STXBP6: variants seen among roughly 807,000 people sequenced by gnomAD.
STXBP6 encodes the protein syntaxin binding protein 6, also known as syntaxin-binding protein 6.
STXBP6 carries 21 observed loss-of-function variants against 26.9 expected under a neutral mutation model. The ratio of observed to expected loss-of-function variants is 0.78; its 90% CI spans 0.55 to 1.12. STXBP6 has a LOEUF of 1.12. Among genes scored for constraint, STXBP6 ranks in the 50% most tolerant of loss-of-function variants. The pLI is 0.00. For synonymous variants in STXBP6, 97 were observed against 92.6 expected, an observed-to-expected ratio of 1.05 and a Z score of -0.27; for missense variants, 232 against 257.9, an observed-to-expected ratio of 0.90 and a Z score of 0.69.
intron 1 of STXBP6, among the ~76,000 whole-genome samples, chr14:24,999,430 C>T (rs1040102059): frequency 4.6e-5 from 7 of 151,932 alleles, no homozygotes; most frequent in African/African-American, 1.5e-4. Flanking sequence ...TTCATTCAAA[C>T]CAACAACATG....
intron 4 of STXBP6, among the ~76,000 whole-genome samples, chr14:24,823,706 A>C (rs923626787): frequency 1.3e-5 from 2 of 152,210 alleles, no homozygotes; most frequent in African/African-American, 4.8e-5. Context: ...TGCTTGGACT[A>C]CTTCTATTCC....
At chr14:24,854,954 ACCTT>A (rs1349977819) in intron 4 of STXBP6, among the ~76,000 whole-genome samples, 1 of 152,058 alleles carries the variant, frequency 6.6e-6, no homozygotes, top group Non-Finnish European at 1.5e-5. Flanking sequence ...CCTAAGAAAG[ACCTT>A]CCAAGGTTCT....
chr14:24,964,647 C>CTGTGTGTGTGTGTGTGTGTGTG (rs34132743), intron 2 of STXBP6, among the ~76,000 whole-genome samples: 225 of 140,194 alleles, frequency 1.6e-3, no homozygotes, highest in African/African-American at 3.3e-3. Flanking sequence ...AGTTCTCATT[C>CTGTGTGTGTGTGTGTGTGTGTG]TGTGTGTGTG....
At chr14:24,980,648 TG>T (rs2074165529) in intron 1 of STXBP6, among the ~76,000 whole-genome samples, 2 of 152,222 alleles carry the variant, frequency 1.3e-5, no homozygotes, top group Non-Finnish European at 2.9e-5. Context: ...GGGCTTGCCA[TG>T]GTGAGAAACC....
chr14:25,002,365 T>TTTTTTTTTTTC, intron 1 of STXBP6, among the ~76,000 whole-genome samples: 1 of 146,322 alleles, frequency 6.8e-6, no homozygotes, highest in East Asian at 2.0e-4. Flanking sequence ...ATGACTTTTT[T>TTTTTTTTTTTC]TTTTTTTTTT....
chr14:24,834,302 T>C (rs1170182244), intron 4 of STXBP6, among the ~76,000 whole-genome samples: 1 of 152,232 alleles, frequency 6.6e-6, no homozygotes. Flanking sequence ...CCTAAGAGAA[T>C]AAACTTTTAG....
intron 2 of STXBP6, among the ~76,000 whole-genome samples, chr14:24,924,337 T>TA (rs961904773): frequency 6.6e-6 from 1 of 151,994 alleles, no homozygotes; most frequent in African/African-American, 2.4e-5. Context: ...TATTCTAGGA[T>TA]AAAAAAAGAC....
chr14:24,961,915 A>C (rs1440990570), intron 2 of STXBP6, among the ~76,000 whole-genome samples: 1 of 152,244 alleles, frequency 6.6e-6, no homozygotes, highest in Non-Finnish European at 1.5e-5. Context: ...CAACCTAGAA[A>C]AAAAACATAA....
chr14:24,950,759 G>A (rs2073139476), intron 2 of STXBP6, among the ~76,000 whole-genome samples: 1 of 152,086 alleles, frequency 6.6e-6, no homozygotes, highest in Non-Finnish European at 1.5e-5. Context: ...TTTTAAAGTT[G>A]TATTTTAAGT....
intron 2 of STXBP6, among the ~76,000 whole-genome samples, chr14:24,961,434 G>T (rs2073532643): frequency 6.9e-6 from 1 of 145,260 alleles, no homozygotes; most frequent in Admixed American, 6.9e-5. Flanking sequence ...AATAGGAACA[G>T]ATTTCAGAAC....
intron 2 of STXBP6, among the ~76,000 whole-genome samples, chr14:24,872,102 A>AGTT (rs1431746868): frequency 6.6e-6 from 1 of 152,236 alleles, no homozygotes; most frequent in African/African-American, 2.4e-5. Context: ...CAGAGAAACT[A>AGTT]AACTATGCCA....
intron 2 of STXBP6, among the ~76,000 whole-genome samples, chr14:24,882,642 A>T (rs1197851882): frequency 6.6e-6 from 1 of 151,998 alleles, no homozygotes; most frequent in Non-Finnish European, 1.5e-5. Flanking sequence ...TATTTATTTG[A>T]TCATTCTCTT....
At chr14:24,850,026 C>G (rs890176972) in intron 4 of STXBP6, among the ~76,000 whole-genome samples, 3 of 152,048 alleles carry the variant, frequency 2.0e-5, no homozygotes, top group African/African-American at 7.2e-5. Context: ...GGAAAAATAA[C>G]ATAAAAATCA....
chr14:24,960,516 ATTGAAATTTTAAT>A (rs2073496717), intron 2 of STXBP6, among the ~76,000 whole-genome samples: 1 of 152,206 alleles, frequency 6.6e-6, no homozygotes, highest in African/African-American at 2.4e-5. Context: ...TAAATTTTAA[ATTGAAATTTTAAT>A]ATTTTATTCT....
At chr14:24,969,393 A>G (rs979957950) in intron 2 of STXBP6, among the ~76,000 whole-genome samples, 1 of 152,350 alleles carries the variant, frequency 6.6e-6, no homozygotes, top group Middle Eastern at 3.4e-3. Flanking sequence ...TTTAAACATG[A>G]AATTACAGAA....
At chr14:24,913,469 G>T (rs1220168873) in intron 2 of STXBP6, among the ~76,000 whole-genome samples, 1 of 151,974 alleles carries the variant, frequency 6.6e-6, no homozygotes, top group South Asian at 2.1e-4. Flanking sequence ...TACATTATTT[G>T]TCAACCACAA....
At chr14:24,971,276 T>C (rs2073898766) in intron 2 of STXBP6, among the ~76,000 whole-genome samples, 1 of 152,234 alleles carries the variant, frequency 6.6e-6, no homozygotes, top group South Asian at 2.1e-4. Context: ...TGGATATATA[T>C]GAAACACCCA....
chr14:24,885,672 C>T (rs951565209), intron 2 of STXBP6, among the ~76,000 whole-genome samples: 2 of 152,232 alleles, frequency 1.3e-5, no homozygotes, highest in Non-Finnish European at 2.9e-5. Context: ...ATCAGCTCAA[C>T]GTTTGCCTTC....
At chr14:25,046,287 G>GA (rs1293623657) in intron 1 of STXBP6, among the ~76,000 whole-genome samples, 1 of 152,174 alleles carries the variant, frequency 6.6e-6, no homozygotes, top group Admixed American at 6.5e-5. Context: ...TACTAAGTGG[G>GA]AAAAACCATT....
Sources: allele counts gnomAD v4.1 joint callset (sites outside exome capture counted in the v4.1 genomes callset), GRCh38; gene constraint gnomAD v4.1.1; transcripts MANE v1.5; gene names NCBI Gene and HGNC (gene_info 2026-07-23, HGNC 2026-07-21).